ABCD3: variants seen among roughly 807,000 people sequenced by gnomAD.
ABCD3 encodes the protein ATP binding cassette subfamily D member 3.
In ABCD3, 41 loss-of-function variants were observed where a neutral mutation model predicts 105.5. That is an observed-to-expected ratio of 0.39 (90% confidence interval 0.30 to 0.50). The LOEUF (loss-of-function observed/expected upper bound fraction) is 0.50, where lower values mean the gene tolerates loss of function less well. Among genes scored for constraint, ABCD3 ranks in the 20% least tolerant of loss-of-function variants. ABCD3 has a pLI of 0.84. For missense variants in ABCD3, 622 were observed against 806.3 expected, an observed-to-expected ratio of 0.77 and a Z score of 2.77; for synonymous variants, 258 against 269.0, an observed-to-expected ratio of 0.96 and a Z score of 0.40.
chr1:94,446,529 C>T (rs1388838135), intron 1 of ABCD3, among the ~76,000 whole-genome samples: 1 of 152,232 alleles, frequency 6.6e-6, no homozygotes, highest in Non-Finnish European at 1.5e-5. Flanking sequence ...CATAGCACAG[C>T]TCCTGATTGT....
chr1:94,447,225 A>G (rs1405180806), intron 1 of ABCD3, among the ~76,000 whole-genome samples: 1 of 152,258 alleles, frequency 6.6e-6, no homozygotes, highest in Non-Finnish European at 1.5e-5. Flanking sequence ...AATTAGAAGG[A>G]CACATAGCTC....
Position 94,517,463 on chromosome 1 carries a change from A to G in ABCD3, c.*334A>G, listed in dbSNP as rs1650973385. On this transcript the variant is annotated 3_prime_UTR_variant, in exon 23 of 23. Coordinates refer to ENST00000370214, the MANE Select transcript of ABCD3 (RefSeq NM_002858.4). Reference sequence around the variant, plus strand: ...AAACCATTCGAAGTCAGCTAATTGGACTTTTATGGCTCTATCTTTTCCTTC... The same window carrying G: ...AAACCATTCGAAGTCAGCTAATTGGGCTTTTATGGCTCTATCTTTTCCTTC... The G allele has an allele frequency of 1.0e-5, 3 of 286,692 alleles. No homozygotes were observed. Among genetic ancestry groups the G allele is most frequent in the South Asian group, 1.0e-4 (3 of 28,904 alleles). 17.8% of individuals were successfully genotyped at this position (286,692 alleles called of 1,614,324 possible). A position where few individuals can be genotyped will look rare whatever the true frequency, so the allele number is the denominator to read the frequency against.
intron 2 of ABCD3, among the ~76,000 whole-genome samples, chr1:94,459,349 A>G (rs933793602): frequency 3.3e-5 from 5 of 152,098 alleles, no homozygotes; most frequent in Non-Finnish European, 5.9e-5. Context: ...TTCTGTATAC[A>G]TTCCTTTGGA....
At chr1:94,457,272 A>T (rs1351434772) in intron 1 of ABCD3, among the ~76,000 whole-genome samples, 1 of 152,348 alleles carries the variant, frequency 6.6e-6, no homozygotes, top group East Asian at 1.9e-4. Flanking sequence ...AAACATATAA[A>T]TAATCATATT....
At position 94,418,484 on chromosome 1, in the gene ABCD3, G is replaced by A. The variant is rs763314209; in HGVS notation, c.6G>A (p.Ala2=). 3.1e-6 allele frequency: 5 copies of A among 1,600,064 alleles called. No individual in the cohort carries two copies. The highest frequency in any genetic ancestry group is 1.1e-5 in the South Asian group (1 of 90,302). The change falls in exon 1 of 23, where the codon GCG becomes GCA. Residue 2 remains alanine (A), a synonymous_variant. Transcript: ENST00000370214. ...TCGCTGGTACCGGCAGTGCCATGGCGGCCTTCAGCAAGTACTTGACGGCGC... is the reference window on the plus strand; with the variant it reads ...TCGCTGGTACCGGCAGTGCCATGGCAGCCTTCAGCAAGTACTTGACGGCGC... M[A]AFSKYLTARN...
At chr1:94,470,031 A>G (rs1218879817) in intron 4 of ABCD3, among the ~76,000 whole-genome samples, 2 of 152,066 alleles carry the variant, frequency 1.3e-5, no homozygotes, top group African/African-American at 4.8e-5. Context: ...AATTTCTTTC[A>G]TCTTTGTATC....
chr1:94,435,769 T>G (rs1212498578), intron 1 of ABCD3, among the ~76,000 whole-genome samples: 1 of 152,256 alleles, frequency 6.6e-6, no homozygotes, highest in Non-Finnish European at 1.5e-5. Flanking sequence ...GGATATTTGC[T>G]TCTTCATTTA....
chr1:94,478,499 T>C, intron 8 of ABCD3, 184 bp downstream of exon 8: 1 of 1,479,742 alleles, frequency 6.8e-7, no homozygotes, highest in Non-Finnish European at 9.3e-7. Flanking sequence ...GTACTAATTT[T>C]TCTTTTTAAT....
chr1:94,478,515 T>C (rs747299052), intron 8 of ABCD3, 200 bp downstream of exon 8: 2 of 1,572,378 alleles, frequency 1.3e-6, no homozygotes, highest in African/African-American at 1.4e-5. Context: ...TTAATTTTCC[T>C]TAAATTAGGT....
intron 19 of ABCD3, 62 bp from the exon 20 acceptor site, chr1:94,499,433 C>G: frequency 2.7e-6 from 4 of 1,503,298 alleles, no homozygotes; most frequent in South Asian, 1.1e-5. Flanking sequence ...AAAAAATAAA[C>G]CACTATTAAG....
Position 94,496,694 on chromosome 1 carries a change from G to GTTTTTT in ABCD3, c.1387-1884_1387-1879dup, listed in dbSNP as rs71094302. ...CTTCAGTAAAATCAGCCTTGTTTCT[G>GTTTTTT]TTTTTTTTTTTTTTTTTTTTTTTTT... On this transcript the variant is annotated intron_variant, in intron 16 of 22. Coordinates refer to ENST00000370214, the MANE Select transcript of ABCD3 (RefSeq NM_002858.4). Among the ~76,000 whole-genome samples the GTTTTTT allele has an allele frequency of 6.3e-3, 248 of 39,406 alleles. 7 individuals carry two copies. Among genetic ancestry groups the GTTTTTT allele is most frequent in the East Asian group, 0.011 (10 of 930 alleles). 25.9% of individuals were successfully genotyped at this position (39,406 alleles called of 152,430 possible).
chr1:94,421,478 A>T lies in ABCD3; in HGVS notation c.110+2890A>T, dbSNP rs554850486. Among the ~76,000 whole-genome samples, 26 of 152,116 alleles carry T rather than the reference A, an allele frequency of 1.7e-4. No individual in the cohort carries two copies. In the East Asian group the frequency reaches 5.1e-3, roughly 30 times the overall value. ...TTTTATTATTTATGGGGAAAAGAAG[A>T]ATCTTTTTACTCATGGATAAAGAGG... On this transcript the variant is annotated intron_variant, in intron 1 of 22. Coordinates refer to ENST00000370214, the MANE Select transcript of ABCD3 (RefSeq NM_002858.4).
intron 8 of ABCD3, 74 bp from the exon 9 acceptor site, chr1:94,480,390 T>G: frequency 1.3e-6 from 2 of 1,570,338 alleles, no homozygotes; most frequent in Non-Finnish European, 1.8e-6. Context: ...ATAAAAATTG[T>G]ACATGTTTGT....
the ABCD3 span, among the ~76,000 whole-genome samples, chr1:94,392,043 G>T: frequency 6.6e-6 from 1 of 152,220 alleles, no homozygotes; most frequent in East Asian, 1.9e-4. Context: ...TTTTTCTTTA[G>T]ATTTAGTTCT....
chr1:94,505,494 G>C (rs1041709881), intron 20 of ABCD3, among the ~76,000 whole-genome samples: 2 of 151,740 alleles, frequency 1.3e-5, no homozygotes, highest in African/African-American at 2.4e-5. Flanking sequence ...GATTATAGGC[G>C]TGACCCACTG....
At chr1:94,393,561 C>T in the ABCD3 span, among the ~76,000 whole-genome samples, 5 of 152,130 alleles carry the variant, frequency 3.3e-5, no homozygotes, top group East Asian at 9.7e-4. Context: ...ATCGCTTGAA[C>T]CTGGGAGGAG....
At chr1:94,405,922 T>C in the ABCD3 span, among the ~76,000 whole-genome samples, 3 of 150,630 alleles carry the variant, frequency 2.0e-5, no homozygotes, top group South Asian at 6.2e-4. Context: ...TGCCAAAGTT[T>C]AGAAATTTTT....
intron 21 of ABCD3, chr1:94,513,539 CACATTAAAT>C (rs943319625): frequency 1.3e-5 from 2 of 152,096 alleles, no homozygotes; most frequent in South Asian, 2.1e-4. Flanking sequence ...TATAAACTTA[CACATTAAAT>C]ACATTAAATA....
At chr1:94,388,396 CA>C in the ABCD3 span, among the ~76,000 whole-genome samples, 7 of 83,928 alleles carry the variant, frequency 8.3e-5, no homozygotes, top group Non-Finnish European at 1.5e-4. Context: ...ACCTTCCCTC[CA>C]ATTTTTTTCT....
Sources: gnomAD v4.1 joint callset for allele counts (sites outside exome capture counted in the v4.1 genomes callset) on GRCh38, gnomAD v4.1.1 for gene constraint, MANE v1.5 for transcripts, NCBI Gene and HGNC (gene_info 2026-07-23, HGNC 2026-07-21) for gene names.